The following GNAO1 variants were observed in gnomAD, a reference collection of about 807,000 sequenced individuals.
GNAO1 encodes the protein G protein subunit alpha o1.
For missense variants in GNAO1, 166 were observed against 478.7 expected (o/e 0.35, Z 6.10); for synonymous variants, 164 against 180.7 (o/e 0.91, Z 0.74).
rs556716208 is a variant in GNAO1, at chr16:56,334,930, G to A, written c.593+73G>A. ...CATGCCCAGCCTCTCAGCGCATTGC[G>A]TTTACAGCGCCCAAACATCATCCTG... On this transcript the variant is annotated intron_variant, in intron 5 of 8. Coordinates refer to ENST00000262493, the MANE Select transcript of GNAO1 (RefSeq NM_020988.3). 7.8e-5 allele frequency: 118 copies of A among 1,514,626 alleles called. No individual in the cohort carries two copies. In the South Asian group the frequency reaches 1.2e-3, roughly 15 times the overall value. 93.8% of individuals were successfully genotyped at this position (1,514,626 alleles called of 1,614,324 possible).
chr16:56,213,235 A>T (rs1470410371), intron 2 of GNAO1: 1 of 398,354 alleles, frequency 2.5e-6, no homozygotes, highest in Non-Finnish European at 4.4e-6. Flanking sequence ...CATCGAGGTT[A>T]TTCTTTCTTT....
intron 2 of GNAO1, chr16:56,194,040 A>C (rs1234511231): frequency 2.3e-6 from 1 of 437,492 alleles, no homozygotes; most frequent in Non-Finnish European, 4.7e-6. Flanking sequence ...ACCAAGATGC[A>C]AAAAATCTTG....
At chr16:56,237,576 C>T (rs1020658733) in intron 2 of GNAO1, among the ~76,000 whole-genome samples, 8 of 152,170 alleles carry the variant, frequency 5.3e-5, no homozygotes, top group African/African-American at 1.2e-4. Context: ...AAAACACAGC[C>T]GGTCCATTTC....
chr16:56,317,058 C>G (rs527816951), intron 3 of GNAO1, among the ~76,000 whole-genome samples: 81 of 152,344 alleles, frequency 5.3e-4, no homozygotes, highest in African/African-American at 1.9e-3. Flanking sequence ...AAACCTGCTT[C>G]TCAGTCATTG....
chr16:56,323,028 G>A (rs145758836), intron 3 of GNAO1, among the ~76,000 whole-genome samples: 169 of 152,314 alleles, frequency 1.1e-3, no homozygotes, highest in African/African-American at 3.3e-3. Flanking sequence ...GTTGCTGTGC[G>A]CTGTGGGAGC....
chr16:56,199,446 G>A (rs1567435215), intron 2 of GNAO1, among the ~76,000 whole-genome samples: 1 of 152,220 alleles, frequency 6.6e-6, no homozygotes, highest in Non-Finnish European at 1.5e-5. Context: ...AGGATGCTCA[G>A]AAGTGGAGAC....
At chr16:56,347,399 C>A in intron 6 of GNAO1, 1 of 985,584 alleles carries the variant, frequency 1.0e-6, no homozygotes, top group Non-Finnish European at 1.2e-6. Context: ...ACAGGGCCGG[C>A]GTGTGAGCTG....
intron 4 of GNAO1, 78 bp from the exon 5 acceptor site, chr16:56,334,651 T>C: frequency 6.7e-7 from 1 of 1,499,838 alleles, no homozygotes; most frequent in Non-Finnish European, 9.2e-7. Flanking sequence ...GACTGGACTC[T>C]GAAGATGGGT....
Position 56,351,760 on chromosome 16 carries a change from G to A in GNAO1, c.877+223G>A. On this transcript the variant is annotated intron_variant, in intron 7 of 8. Coordinates refer to ENST00000262493, the MANE Select transcript of GNAO1 (RefSeq NM_020988.3). The surrounding 1 kb of genome is among the most constrained non-coding windows in gnomAD (Gnocchi z 6.1). The stretch of plus-strand genomic sequence containing the variant: ...GGAAATGGCCCCTCCTAAGATATAT[G>A]TGTTAGGACCAAGTGACTCAGGAGT... 1.9e-6 allele frequency: 1 copy of A among 533,136 alleles called. No individual in the cohort carries two copies. The highest frequency in any genetic ancestry group is 3.4e-6 in the Non-Finnish European group (1 of 296,878). 33.0% of individuals were successfully genotyped at this position (533,136 alleles called of 1,614,324 possible).
intron 2 of GNAO1, among the ~76,000 whole-genome samples, chr16:56,220,336 T>C (rs914584040): frequency 2.6e-5 from 4 of 152,198 alleles, no homozygotes; most frequent in African/African-American, 4.8e-5. Context: ...CTTTCAGAGA[T>C]CATTCTTTCA....
Position 56,268,415 on chromosome 16 carries a change from A to G in GNAO1, c.162-7516A>G, listed in dbSNP as rs563984955. On this transcript the variant is annotated intron_variant, in intron 2 of 8. Transcript: ENST00000262493. ...CAGGCCTCATAGGCTTTAAGTCGGA[A>G]GAGACCTTCCAGCAGGCTGAACCCA... Among the ~76,000 whole-genome samples the G allele has an allele frequency of 1.2e-4, 18 of 152,358 alleles. No individual in the cohort carries two copies. The South Asian group carries it at 2.3e-3, about 19-fold the overall frequency.
intron 2 of GNAO1, among the ~76,000 whole-genome samples, chr16:56,262,834 T>C (rs1454818240): frequency 6.6e-6 from 1 of 152,216 alleles, no homozygotes; most frequent in Non-Finnish European, 1.5e-5. Context: ...CGTGCCGCTT[T>C]TACTGTGTTT....
intron 2 of GNAO1, among the ~76,000 whole-genome samples, chr16:56,238,273 C>G (rs889036640): frequency 1.3e-5 from 2 of 152,208 alleles, no homozygotes; most frequent in Admixed American, 1.3e-4. Context: ...GGCATTGGAG[C>G]AAGGTTGGCT....
rs929722722 is a variant in GNAO1, at chr16:56,326,346, C to T, written c.304-2285C>T. On this transcript the variant is annotated intron_variant, in intron 3 of 8. Transcript: ENST00000262493. This position sits in a 1 kb window ranked among gnomAD's most constrained non-coding sequence, Gnocchi z 4.8. ...GGTCTGAGCAAAGTCCTGTCAGCCA[C>T]AGAGACATGTGAAGAGCAAGAAGAC... Among the ~76,000 whole-genome samples the T allele has an allele frequency of 6.6e-6, 1 of 152,208 alleles. No homozygotes were observed. The highest frequency in any genetic ancestry group is 1.5e-5 in the Non-Finnish European group (1 of 68,036).
intron 2 of GNAO1, among the ~76,000 whole-genome samples, chr16:56,272,395 A>G (rs548353706): frequency 8.2e-4 from 125 of 152,372 alleles, no homozygotes; most frequent in Non-Finnish European, 1.5e-3. Flanking sequence ...GTAGAAGGGG[A>G]TATAAAATTC....
chr16:56,247,478 T>C (rs2036758202), intron 2 of GNAO1, among the ~76,000 whole-genome samples: 1 of 147,378 alleles, frequency 6.8e-6, no homozygotes, highest in South Asian at 2.2e-4. Context: ...TTTATTAGGG[T>C]GAGGTTTTTT....
intron 2 of GNAO1, 28 bp downstream of exon 2, chr16:56,192,644 A>G: frequency 7.1e-7 from 1 of 1,402,606 alleles, no homozygotes; most frequent in Non-Finnish European, 1.0e-6. Flanking sequence ...TGGGATTCGT[A>G]CTTTTATTAA....
intron 3 of GNAO1, among the ~76,000 whole-genome samples, chr16:56,320,801 C>G (rs1256841724): frequency 1.6e-4 from 24 of 152,234 alleles, no homozygotes; most frequent in Non-Finnish European, 1.5e-5. Flanking sequence ...CTCCCTTCCT[C>G]TCTGTAGCTG....
chr16:56,218,916 C>T (rs1202333261), intron 2 of GNAO1, among the ~76,000 whole-genome samples: 1 of 152,214 alleles, frequency 6.6e-6, no homozygotes, highest in Non-Finnish European at 1.5e-5. Flanking sequence ...CCGCCCCTCA[C>T]TTTACACTGC....
Sources: allele counts gnomAD v4.1 joint callset (sites outside exome capture counted in the v4.1 genomes callset), GRCh38; gene constraint gnomAD v4.1.1; non-coding constraint Gnocchi (gnomAD v3.1); transcripts MANE v1.5; gene names NCBI Gene and HGNC (gene_info 2026-07-23, HGNC 2026-07-21).